The following DSTN variants were observed in gnomAD, a reference collection of about 807,000 sequenced individuals.
DSTN encodes destrin.
Under a neutral mutation model 16.8 loss-of-function variants are expected in DSTN, and 10 were observed. That is an observed-to-expected ratio of 0.60 (90% CI 0.37 to 1.01). The LOEUF (loss-of-function observed/expected upper bound fraction) is 1.01. Ranked by LOEUF, DSTN falls within the 50% of genes least tolerant of loss-of-function variation. The pLI is 0.01. For missense variants in DSTN, 141 were observed against 196.7 expected (o/e 0.72, Z 1.69); for synonymous variants, 57 against 58.9 (o/e 0.97, Z 0.14).
At chr20:17,601,114 G>C in intron 2 of DSTN, 69 bp downstream of exon 2, 1 of 1,479,480 alleles carries the variant, frequency 6.8e-7, no homozygotes, top group Non-Finnish European at 9.0e-7. Flanking sequence ...ACCAGTTCCA[G>C]CACCAAAGTA....
rs2122218127 is a variant in DSTN at position 17,609,076 on chromosome 20, CAT to C, written c.*1931_*1932del. 1 of 152,322 alleles carries C rather than the reference CAT, an allele frequency of 6.6e-6. No homozygotes were observed. Among genetic ancestry groups the C allele is most frequent in the African/African-American group, 2.4e-5 (1 of 41,554 alleles). 9.4% of individuals were successfully genotyped at this position (152,322 alleles called of 1,614,324 possible). A position where few individuals can be genotyped will look rare whatever the true frequency, so the allele number is the denominator to read the frequency against. On this transcript the variant is annotated 3_prime_UTR_variant, in exon 4 of 4. Coordinates refer to ENST00000246069, the MANE Select transcript of DSTN (RefSeq NM_006870.4). ...TGGGGAACATTTTAATGTTGATCCA[CAT>C]GCCAGGTGTTTGTGAGACAAGATTA...
chr20:17,603,769 A>G (rs542288431), intron 2 of DSTN, among the ~76,000 whole-genome samples: 122 of 152,368 alleles, frequency 8.0e-4, no homozygotes, highest in Middle Eastern at 3.4e-3. Context: ...AGACATAATT[A>G]TTGGTGAGTT....
chr20:17,605,300 C>G (rs2035629856), intron 3 of DSTN: 3 of 385,372 alleles, frequency 7.8e-6, no homozygotes, highest in Non-Finnish European at 1.5e-5. Context: ...GTGGCCTTGG[C>G]CAGAACTGCT....
intron 1 of DSTN, among the ~76,000 whole-genome samples, chr20:17,573,344 C>T (rs975566365): frequency 1.3e-5 from 2 of 151,698 alleles, no homozygotes; most frequent in African/African-American, 4.8e-5. Context: ...GGGAGGGCAG[C>T]TTTTGGATTT....
intron 1 of DSTN, among the ~76,000 whole-genome samples, chr20:17,587,202 T>TAAGATAAAAAAAAAA (rs2035419835): frequency 7.3e-6 from 1 of 137,030 alleles, no homozygotes; most frequent in African/African-American, 2.5e-5. Context: ...TCTCAAGGAA[T>TAAGATAAAAAAAAAA]AAAAAAAAAA....
chr20:17,574,256 T>A (rs1407238158), intron 1 of DSTN, among the ~76,000 whole-genome samples: 1 of 152,052 alleles, frequency 6.6e-6, no homozygotes, highest in African/African-American at 2.4e-5. Flanking sequence ...GGAGTAATAT[T>A]TCTCTTTTCT....
chr20:17,577,840 T>C (rs919127439), intron 1 of DSTN, among the ~76,000 whole-genome samples: 1 of 152,236 alleles, frequency 6.6e-6, no homozygotes. Flanking sequence ...TATTTAGATA[T>C]GATAAAATTT....
intron 1 of DSTN, among the ~76,000 whole-genome samples, chr20:17,586,092 A>C (rs1189590585): frequency 6.6e-6 from 1 of 151,910 alleles, no homozygotes; most frequent in Non-Finnish European, 1.5e-5. Flanking sequence ...ATATATTTTA[A>C]TTTTTTCTTG....
Position 17,570,121 on chromosome 20 carries a change from C to T in DSTN, c.-88C>T. 10 of 1,505,532 alleles carry T rather than the reference C, an allele frequency of 6.6e-6. No homozygotes were observed. Among genetic ancestry groups the T allele is most frequent in the Non-Finnish European group, 8.8e-6 (10 of 1,131,982 alleles). The allele number at this position is 1,505,532 out of a possible 1,614,324, so 93.3% of individuals were successfully genotyped here. A position where few individuals can be genotyped will look rare whatever the true frequency, so the allele number is the denominator to read the frequency against. On this transcript the variant is annotated 5_prime_UTR_variant, in exon 1 of 4. Coordinates refer to ENST00000246069, the MANE Select transcript of DSTN (RefSeq NM_006870.4). ...GCCGCGTCAGCTCAGCGCTGGGTCT[C>T]TCGGTCCCGCAGCCGTGAGGAGGAC...
rs2035666126 is a variant in DSTN at position 17,608,596 on chromosome 20, T to C, written c.*1450T>C. 1 of 145,950 alleles carries C rather than the reference T, an allele frequency of 6.9e-6. No homozygotes were observed. The allele number at this position is 145,950 out of a possible 1,614,324, so 9.0% of individuals were successfully genotyped here. On this transcript the variant is annotated 3_prime_UTR_variant, in exon 4 of 4. Coordinates refer to ENST00000246069, the MANE Select transcript of DSTN (RefSeq NM_006870.4). Reference sequence around the variant, plus strand: ...TCGTGCCACTGTACTCCAGCCTGGATGACAGAGCAAGACCTTGTCTCAAAA... The same window carrying C: ...TCGTGCCACTGTACTCCAGCCTGGACGACAGAGCAAGACCTTGTCTCAAAA...
chr20:17,570,274 CCG>C, intron 1 of DSTN, 63 bp downstream of exon 1: 4 of 1,438,478 alleles, frequency 2.8e-6, no homozygotes, highest in Non-Finnish European at 3.6e-6. Context: ...CTCTGGGGCG[CCG>C]CGGAGTCGGG....
chr20:17,606,086 C>T (rs959432329), intron 3 of DSTN, among the ~76,000 whole-genome samples: 12 of 148,376 alleles, frequency 8.1e-5, no homozygotes, highest in African/African-American at 3.0e-4. Flanking sequence ...CCAGCCAGGG[C>T]AATAAGAGCA....
At chr20:17,580,343 G>A (rs2035328324) in intron 1 of DSTN, among the ~76,000 whole-genome samples, 1 of 152,174 alleles carries the variant, frequency 6.6e-6, no homozygotes, top group Admixed American at 6.5e-5. Flanking sequence ...AAGCACTAGG[G>A]AAACAAGTTC....
At chr20:17,584,132 AT>A (rs1365185953) in intron 1 of DSTN, among the ~76,000 whole-genome samples, 7 of 152,066 alleles carry the variant, frequency 4.6e-5, no homozygotes, top group Admixed American at 4.6e-4. Context: ...AACCCACTGA[AT>A]TTACTACACT....
chr20:17,600,325 G>A (rs967619954), intron 1 of DSTN, among the ~76,000 whole-genome samples: 2 of 152,140 alleles, frequency 1.3e-5, no homozygotes, highest in South Asian at 2.1e-4. Context: ...AAATTTCCCA[G>A]TCTAGCAGCT....
intron 1 of DSTN, among the ~76,000 whole-genome samples, chr20:17,574,272 A>T (rs2035241112): frequency 6.6e-6 from 1 of 152,184 alleles, no homozygotes; most frequent in Admixed American, 6.5e-5. Context: ...TTTCTGGCAC[A>T]TAAATTTCTT....
chr20:17,593,588 G>A (rs2035494395), intron 1 of DSTN, among the ~76,000 whole-genome samples: 1 of 152,328 alleles, frequency 6.6e-6, no homozygotes, highest in Non-Finnish European at 1.5e-5. Flanking sequence ...TGCGTAGTGA[G>A]AATTGATCTG....
intron 1 of DSTN, among the ~76,000 whole-genome samples, chr20:17,588,984 ACT>A (rs986664853): frequency 1.3e-5 from 2 of 151,786 alleles, no homozygotes; most frequent in African/African-American, 2.4e-5. Flanking sequence ...CAGAGAATAA[ACT>A]CCAGAATTCC....
intron 1 of DSTN, chr20:17,591,870 T>G: frequency 2.0e-6 from 2 of 983,718 alleles, no homozygotes; most frequent in Non-Finnish European, 2.4e-6. Flanking sequence ...GTCTCTGAGA[T>G]GTTAATAAAT....
Sources: allele counts gnomAD v4.1 joint callset (sites outside exome capture counted in the v4.1 genomes callset), GRCh38; gene constraint gnomAD v4.1.1; transcripts MANE v1.5; gene names NCBI Gene and HGNC (gene_info 2026-07-23, HGNC 2026-07-21).